Variants in CRTC2 observed in about 807,000 individuals in gnomAD.
CRTC2 encodes CREB-regulated transcription coactivator 2.
Under a neutral mutation model 70.9 loss-of-function variants are expected in CRTC2, and 25 were observed. That is an observed-to-expected ratio of 0.35 (90% CI 0.26 to 0.49). The LOEUF is 0.49. CRTC2 is among the 20% of genes least tolerant of loss of function. The pLI is 0.98. For synonymous variants in CRTC2, 330 were observed against 364.1 expected, an observed-to-expected ratio of 0.91 and a Z score of 1.07; for missense variants, 737 against 882.6, an observed-to-expected ratio of 0.83 and a Z score of 2.09.
rs942063934 is a variant in CRTC2, at chr1:153,947,872, G to A, written c.*237C>T. ...AACAGGCTCTGACCTCCAGACAGAC[G>A]GTTCAAAGTTACAAGTGCTTTAGGC... On this transcript the variant is annotated 3_prime_UTR_variant, in exon 14 of 14. Transcript: ENST00000368633. The A allele has an allele frequency of 1.2e-4, 67 of 561,484 alleles. No individual in the cohort carries two copies. Among genetic ancestry groups the A allele is most frequent in the Admixed American group, 4.3e-4 (14 of 32,572 alleles). 34.8% of individuals were successfully genotyped at this position (561,484 alleles called of 1,614,324 possible). A position where few individuals can be genotyped will look rare whatever the true frequency, so the allele number is the denominator to read the frequency against.
intron 12 of CRTC2, 83 bp downstream of exon 12, chr1:153,949,032 A>G (rs1680178884): frequency 6.9e-7 from 1 of 1,439,198 alleles, no homozygotes; most frequent in Non-Finnish European, 9.7e-7. Flanking sequence ...CCCCATTCAC[A>G]GTGCACCAGC....
At chr1:153,950,099 A>G (rs1193386227) in intron 11 of CRTC2, among the ~76,000 whole-genome samples, 1 of 152,060 alleles carries the variant, frequency 6.6e-6, no homozygotes, top group Non-Finnish European at 1.5e-5. Flanking sequence ...CACCTGGGTA[A>G]TTTTTTATTT....
intron 1 of CRTC2, among the ~76,000 whole-genome samples, chr1:153,957,114 T>C (rs565497769): frequency 6.6e-6 from 1 of 152,078 alleles, no homozygotes; most frequent in East Asian, 1.9e-4. Flanking sequence ...AGTGTGCACA[T>C]GCGTGCACAG....
intron 9 of CRTC2, 34 bp downstream of exon 9, chr1:153,952,363 C>T: frequency 6.2e-7 from 1 of 1,612,348 alleles, no homozygotes; most frequent in Non-Finnish European, 8.5e-7. Flanking sequence ...TACTTCCTTC[C>T]CCCACCTCTC....
At chr1:153,952,337 C>A (rs1680374566) in intron 9 of CRTC2, 60 bp downstream of exon 9, 2 of 1,606,416 alleles carry the variant, frequency 1.2e-6, no homozygotes, top group Non-Finnish European at 1.7e-6. Flanking sequence ...AGAGATCAGT[C>A]TCCTACATCT....
chr1:153,958,546 T>TCCGCCGCGGCCTCGGCCC lies in CRTC2; in HGVS notation c.-67_-50dup, dbSNP rs1553210073. The TCCGCCGCGGCCTCGGCCC allele has an allele frequency of 4.7e-6, 7 of 1,502,592 alleles. No homozygotes were observed. In the East Asian group the frequency reaches 7.2e-5, roughly 15 times the overall value. 93.1% of individuals were successfully genotyped at this position (1,502,592 alleles called of 1,614,324 possible). Reference sequence around the variant, plus strand: ...CACCCTCCCAGTACCAGCCGCGGCCTCCGCCGCGGCCTCGGCCCGGCTCCT... The same window carrying TCCGCCGCGGCCTCGGCCC: ...CACCCTCCCAGTACCAGCCGCGGCCTCCGCCGCGGCCTCGGCCCCCGCCGCGGCCTCGGCCCGGCTCCT... On this transcript the variant is annotated 5_prime_UTR_variant, in exon 1 of 14. Coordinates refer to ENST00000368633, the MANE Select transcript of CRTC2 (RefSeq NM_181715.3).
intron 10 of CRTC2, 102 bp downstream of exon 10, chr1:153,951,916 T>A (rs961199783): frequency 6.9e-7 from 1 of 1,445,764 alleles, no homozygotes; most frequent in African/African-American, 1.4e-5. Flanking sequence ...TGACAGGCGG[T>A]GTGGGTGATC....
rs574726301 is a variant in CRTC2 at position 153,952,314 on chromosome 1, G to C, written c.753-52C>G. On this transcript the variant is annotated intron_variant, in intron 9 of 13. Coordinates refer to ENST00000368633, the MANE Select transcript of CRTC2 (RefSeq NM_181715.3). ...TGTAAATAGGAGGGTGGGTGCAGTG[G>C]TCAGGGAAGAGCAGAGATCAGTCTC... The C allele has an allele frequency of 1.9e-6, 3 of 1,602,250 alleles. No homozygotes were observed. The South Asian group carries it at 3.4e-5, about 18-fold the overall frequency.
intron 1 of CRTC2, among the ~76,000 whole-genome samples, chr1:153,956,869 A>T (rs913709208): frequency 2.6e-5 from 4 of 152,160 alleles, no homozygotes; most frequent in African/African-American, 9.7e-5. Context: ...CGTAAAGAGA[A>T]GCCCCAGCTT....
At chr1:153,958,321 C>G (rs1557873474) in intron 1 of CRTC2, 24 bp downstream of exon 1, 3 of 1,607,294 alleles carry the variant, frequency 1.9e-6, no homozygotes, top group Non-Finnish European at 2.5e-6. Context: ...AGCTCTGCTC[C>G]GGCTCCCCGG....
chr1:153,951,425 G>T lies in CRTC2; in HGVS notation c.1239C>A (p.Ala413=), dbSNP rs201467539. ...SSSTSSPVLG[A]PSYPASTPGA... is the part of the protein sequence containing the mutation. ...CAGGGGTAGAAGCAGGGTAAGAGGG[G>T]GCGCCCAAAACAGGAGATGAAGTGG... The change falls in exon 11 of 14, where the codon GCC becomes GCA. Residue 413 remains alanine (A), a synonymous_variant. Coordinates refer to ENST00000368633, the MANE Select transcript of CRTC2 (RefSeq NM_181715.3). 5.6e-6 allele frequency: 9 copies of T among 1,605,082 alleles called. No individual in the cohort carries two copies. The East Asian group carries it at 2.0e-4, about 36-fold the overall frequency.
At chr1:153,954,735 C>T (rs1014253194) in intron 3 of CRTC2, 138 bp downstream of exon 3, 26 of 752,292 alleles carry the variant, frequency 3.5e-5, no homozygotes, top group African/African-American at 3.1e-4. Context: ...GGGCTATGGT[C>T]GCTTTTCAGG....
rs1680311518 is a variant in CRTC2 at position 153,951,422 on chromosome 1, G to A, written c.1242C>T (p.Pro414=). The A allele has an allele frequency of 6.2e-7, 1 of 1,605,458 alleles. No individual in the cohort carries two copies. Among genetic ancestry groups the A allele is most frequent in the Admixed American group, 1.7e-5 (1 of 58,718 alleles). Residue 414 remains proline, a synonymous_variant, in exon 11 of 14, where the codon CCC becomes CCT. Transcript: ENST00000368633. ...CCCCAGGGGTAGAAGCAGGGTAAGAGGGGGCGCCCAAAACAGGAGATGAAG... is the reference window on the plus strand; with the variant it reads ...CCCCAGGGGTAGAAGCAGGGTAAGAAGGGGCGCCCAAAACAGGAGATGAAG... The part of the protein sequence containing the change: ...SSTSSPVLGA[P]SYPASTPGAS...
In CRTC2 at chr1:153,955,186, T is replaced by C. The variant is rs1336224418; in HGVS notation, c.154-20A>G. The C allele has an allele frequency of 3.8e-6, 6 of 1,582,760 alleles. No individual in the cohort carries two copies. Among genetic ancestry groups the C allele is most frequent in the South Asian group, 2.2e-5 (2 of 90,020 alleles). On this transcript the variant is annotated intron_variant, in intron 1 of 13. Transcript: ENST00000368633. ...CTGTAACTGAGACATGGGGAACAAG[T>C]GGGAATGTCAGGAGGGTCCTGAGCA...
At chr1:153,955,370 A>C (rs1038421063) in intron 1 of CRTC2, among the ~76,000 whole-genome samples, 9 of 152,172 alleles carry the variant, frequency 5.9e-5, no homozygotes, top group Non-Finnish European at 1.0e-4. Context: ...GATCGACACC[A>C]TCCTGGCTAA....
At position 153,950,904 on chromosome 1, in the gene CRTC2, G is replaced by C. The variant is rs192589594; in HGVS notation, c.1404+356C>G. ...AGCTACTATTTGTCAAGCATACCTG[G>C]GCTATGTGTGGTGCTAAGTATTTTA... On this transcript the variant is annotated intron_variant, in intron 11 of 13. Transcript: ENST00000368633. Among the ~76,000 whole-genome samples, 19 of 152,318 alleles carry C rather than the reference G, an allele frequency of 1.2e-4. No homozygotes were observed. The East Asian group carries it at 3.3e-3, about 26-fold the overall frequency.
At position 153,954,843 on chromosome 1, in the gene CRTC2, A is replaced by G; in HGVS notation, c.372+30T>C. The G allele has an allele frequency of 1.9e-6, 3 of 1,590,592 alleles. No homozygotes were observed. The South Asian group carries it at 3.3e-5, about 18-fold the overall frequency. On this transcript the variant is annotated intron_variant, in intron 3 of 13. Transcript: ENST00000368633. ...GAGGAACCCCATCCCACTACCTTTC[A>G]GACACTCCCAAGTCCCCTGTGAAGG...
chr1:153,948,531 A>C lies in CRTC2; in HGVS notation c.1788T>G (p.Asp596Glu). 6.2e-7 allele frequency: 1 copy of C among 1,612,728 alleles called. No homozygotes were observed. Reference sequence around the variant, plus strand: ...AGTTCTGGTGGTTGAAGGTGTGGGGATCCTGGGGGCCACCCATTGGCCCCT... The same window carrying C: ...AGTTCTGGTGGTTGAAGGTGTGGGGCTCCTGGGGGCCACCCATTGGCCCCT... ...GGEGPMGGPQDPHTFNHQNLT... is the reference protein window; with the variant it reads ...GGEGPMGGPQEPHTFNHQNLT... Residue 596 changes from aspartate to glutamate, a missense_variant, in exon 13 of 14, where the codon GAT (aspartate) becomes GAG (glutamate). Coordinates refer to ENST00000368633, the MANE Select transcript of CRTC2 (RefSeq NM_181715.3).
Position 153,952,239 on chromosome 1 carries a change from G to A in CRTC2, c.776C>T (p.Pro259Leu), listed in dbSNP as rs1571076697. The change falls in exon 10 of 14, where the codon CCT (proline) becomes CTT (leucine). Residue 259 changes from proline (P) to leucine (L), a missense_variant. Physicochemically the swap from Pro to Leu is moderately conservative, Grantham distance 98. This residue lies in a region of CRTC2 where 699 missense variants were observed against 823.7 expected (regional missense o/e 0.85). Transcript: ENST00000368633. ...AGGTGGGAGGACAGGCACATTGGCA[G>A]GCTGGTCAGGAGATGGAAAGATGCT... ...GINIFPSPDQ[P>L]ANVPVLPPAM... The A allele has an allele frequency of 1.2e-6, 2 of 1,609,866 alleles. No homozygotes were observed. The highest frequency in any genetic ancestry group is 1.3e-5 in the African/African-American group (1 of 74,808).
Sources: allele counts gnomAD v4.1 joint callset (sites outside exome capture counted in the v4.1 genomes callset), GRCh38; gene constraint gnomAD v4.1.1; regional missense constraint gnomAD v4.1.1; transcripts MANE v1.5; gene names NCBI Gene and HGNC (gene_info 2026-07-23, HGNC 2026-07-21).